The following LDLRAD2 variants were observed in gnomAD, a reference collection of about 807,000 sequenced individuals.
LDLRAD2 encodes low-density lipoprotein receptor class A domain-containing protein 2.
In LDLRAD2, 25 loss-of-function variants were observed where a neutral mutation model predicts 24.9. The observed-to-expected ratio is 1.00, with a 90% CI of 0.73 to 1.40. The LOEUF (loss-of-function observed/expected upper bound fraction) is 1.40. Ranked by LOEUF, LDLRAD2 falls within the 40% of genes most tolerant of loss-of-function variation. The pLI is 0.00. For missense variants in LDLRAD2, 391 were observed against 366.2 expected (o/e 1.07, Z -0.55); for synonymous variants, 182 against 166.7 (o/e 1.09, Z -0.71).
chr1:21,821,553 A>C lies in LDLRAD2; in HGVS notation c.747A>C (p.Ala249=). The change falls in exon 4 of 5, where the codon GCA becomes GCC. Residue 249 remains alanine (A), a synonymous_variant. Coordinates refer to ENST00000344642, the MANE Select transcript of LDLRAD2 (RefSeq NM_001013693.3). Reference sequence around the variant, plus strand: ...GGTCTGCAGGATCCCTCTGGATTGCAGCTGAGAGGAGTTCCCCAGCAGGCA... The same window carrying C: ...GGTCTGCAGGATCCCTCTGGATTGCCGCTGAGAGGAGTTCCCCAGCAGGCA... ...ALGSAGSLWI[A]AERSSPAGRD... 6.2e-7 allele frequency: 1 copy of C among 1,614,052 alleles called. No individual in the cohort carries two copies. The highest frequency in any genetic ancestry group is 8.5e-7 in the Non-Finnish European group (1 of 1,179,998).
At chr1:21,812,611 A>C in intron 1 of LDLRAD2, 75 bp downstream of exon 1, 1 of 1,244,800 alleles carries the variant, frequency 8.0e-7, no homozygotes, top group South Asian at 1.3e-5. Flanking sequence ...ATGTTTCCCC[A>C]GTCAGCACTC....
chr1:21,817,649 CA>C (rs890451135), intron 3 of LDLRAD2, among the ~76,000 whole-genome samples: 1 of 151,852 alleles, frequency 6.6e-6, no homozygotes, highest in Admixed American at 6.6e-5. Flanking sequence ...TTTAGATTTA[CA>C]AAAAAATTGA....
intron 3 of LDLRAD2, among the ~76,000 whole-genome samples, chr1:21,817,100 C>T (rs915000125): frequency 1.2e-4 from 18 of 152,256 alleles, no homozygotes; most frequent in East Asian, 9.6e-4. Flanking sequence ...TTTTACTCCC[C>T]GCTTAACCCA....
Position 21,822,435 on chromosome 1 carries a change from TGA to T in LDLRAD2, c.*222_*223del. Reference sequence around the variant, plus strand: ...ATCCCCCTCCTCTCTCTCTCAGTCGTGAGTCCTGCCTTCCCCCACCTAAGGCA... The same window carrying T: ...ATCCCCCTCCTCTCTCTCTCAGTCGTGTCCTGCCTTCCCCCACCTAAGGCA... On this transcript the variant is annotated 3_prime_UTR_variant, in exon 5 of 5. Coordinates refer to ENST00000344642, the MANE Select transcript of LDLRAD2 (RefSeq NM_001013693.3). 1 of 583,714 alleles carries T rather than the reference TGA, an allele frequency of 1.7e-6. No individual in the cohort carries two copies. Among genetic ancestry groups the T allele is most frequent in the East Asian group, 2.9e-5 (1 of 34,904 alleles). 36.2% of individuals were successfully genotyped at this position (583,714 alleles called of 1,614,324 possible).
Position 21,824,379 on chromosome 1 carries a change from GC to G in LDLRAD2, c.*2166del, listed in dbSNP as rs2097962589. The G allele has an allele frequency of 6.2e-7, 1 of 1,613,818 alleles. No individual in the cohort carries two copies. Among genetic ancestry groups the G allele is most frequent in the African/African-American group, 1.3e-5 (1 of 75,062 alleles). On this transcript the variant is annotated 3_prime_UTR_variant, in exon 5 of 5. Coordinates refer to ENST00000344642, the MANE Select transcript of LDLRAD2 (RefSeq NM_001013693.3). This position sits in a 1 kb window ranked among gnomAD's most constrained non-coding sequence, Gnocchi z 5.9. ...CCTTGGCCGGCCTCTCCCACCTCCT[GC>G]CAGGGAAGCACAGGGTCTCTGGGGT...
At chr1:21,815,696 G>C (rs2097943172) in intron 2 of LDLRAD2, among the ~76,000 whole-genome samples, 1 of 152,184 alleles carries the variant, frequency 6.6e-6, no homozygotes, top group African/African-American at 2.4e-5. Flanking sequence ...GGGGTATTGT[G>C]AGGCCTCAAT....
At position 21,814,455 on chromosome 1, in the gene LDLRAD2, C is replaced by T; in HGVS notation, c.143C>T (p.Ser48Leu). The T allele has an allele frequency of 1.2e-6, 2 of 1,610,878 alleles. No individual in the cohort carries two copies. The highest frequency in any genetic ancestry group is 1.7e-6 in the Non-Finnish European group (2 of 1,178,894). Residue 48 changes from serine (S) to leucine (L), a missense_variant, in exon 2 of 5, where the codon TCG becomes TTG. Physicochemically the swap from Ser to Leu is moderately radical, Grantham distance 145. Transcript: ENST00000344642. ...TWQGDGLLLR[S>L]HAASRRFYFV... The stretch of plus-strand genomic sequence containing the variant: ...CAGGGGGACGGGCTGCTGCTGCGCT[C>T]GCACGCCGCATCGCGCAGGTTCTAC...
chr1:21,812,629 TG>T, intron 1 of LDLRAD2, 93 bp downstream of exon 1: 1 of 1,073,930 alleles, frequency 9.3e-7, no homozygotes. Context: ...CTCATCCTGC[TG>T]GGCTGAGACC....
chr1:21,821,280 C>G (rs1443210882), intron 3 of LDLRAD2, among the ~76,000 whole-genome samples, 170 bp from the exon 4 acceptor site: 1 of 152,154 alleles, frequency 6.6e-6, no homozygotes, highest in Non-Finnish European at 1.5e-5. Flanking sequence ...CATGTGAGTT[C>G]AAGTCCTCCT....
chr1:21,821,911 AG>A, intron 4 of LDLRAD2: 1 of 1,416,694 alleles, frequency 7.1e-7, no homozygotes, highest in Non-Finnish European at 9.2e-7. Flanking sequence ...AGGTCTCCCC[AG>A]GGGGCTGCAG....
rs757172633 is a variant in LDLRAD2 at position 21,821,441 on chromosome 1, C to T, written c.644-9C>T. The T allele has an allele frequency of 6.2e-7, 1 of 1,614,058 alleles. No homozygotes were observed. The highest frequency in any genetic ancestry group is 1.1e-5 in the South Asian group (1 of 91,078). On this transcript the variant is annotated splice_polypyrimidine_tract_variant and intron_variant, in intron 3 of 4. Transcript: ENST00000344642. ...TCTCAGTGTGCTAGTTCTGTTCTTT[C>T]CCATGCAGGTCCCTCTCCGGTGCCC...
At chr1:21,818,299 T>A (rs140221241) in intron 3 of LDLRAD2, among the ~76,000 whole-genome samples, 15,675 of 152,154 alleles carry the variant, frequency 0.1, 859 homozygotes, top group Admixed American at 0.11. Flanking sequence ...GGCGTGAGCC[T>A]CCGCACCCGG....
Position 21,824,889 on chromosome 1 carries a change from G to A in LDLRAD2, c.*2674G>A, listed in dbSNP as rs1201241350. The A allele has an allele frequency of 2.7e-5, 27 of 1,009,770 alleles. No homozygotes were observed. Among genetic ancestry groups the A allele is most frequent in the South Asian group, 4.1e-5 (3 of 72,594 alleles). 62.6% of individuals were successfully genotyped at this position (1,009,770 alleles called of 1,614,324 possible). On this transcript the variant is annotated 3_prime_UTR_variant, in exon 5 of 5. Transcript: ENST00000344642. This position sits in a 1 kb window ranked among gnomAD's most constrained non-coding sequence, Gnocchi z 5.9. The stretch of plus-strand genomic sequence containing the variant: ...CCAACATGCAGGACTAGGGGGCTCC[G>A]AGCCTGCAGTCCCTGGGGACCCACG...
chr1:21,816,616 A>G (rs1051269899), intron 3 of LDLRAD2, among the ~76,000 whole-genome samples: 1 of 152,154 alleles, frequency 6.6e-6, no homozygotes, highest in African/African-American at 2.4e-5. Context: ...CAAATCACCC[A>G]GGAATAACCT....
intron 3 of LDLRAD2, among the ~76,000 whole-genome samples, chr1:21,821,176 G>A (rs1360841012): frequency 6.6e-6 from 1 of 152,180 alleles, no homozygotes. Context: ...CAGCCTGGGC[G>A]ACAGAGTGAG....
intron 3 of LDLRAD2, among the ~76,000 whole-genome samples, chr1:21,816,288 G>A (rs1232524485): frequency 6.6e-6 from 1 of 152,256 alleles, no homozygotes; most frequent in Non-Finnish European, 1.5e-5. Flanking sequence ...TGATGCTTTA[G>A]TGGTGGAAAC....
chr1:21,816,857 A>G (rs1239937840), intron 3 of LDLRAD2, among the ~76,000 whole-genome samples: 1 of 152,098 alleles, frequency 6.6e-6, no homozygotes, highest in Non-Finnish European at 1.5e-5. Flanking sequence ...TCCTCCATCC[A>G]GGCTCATTCC....
chr1:21,818,124 G>A (rs1371191870), intron 3 of LDLRAD2, among the ~76,000 whole-genome samples: 1 of 34,202 alleles, frequency 2.9e-5, no homozygotes. Context: ...TGATCCACCC[G>A]CCTTGGCCTC....
chr1:21,821,435 T>C lies in LDLRAD2; in HGVS notation c.644-15T>C. The stretch of plus-strand genomic sequence containing the variant: ...GGCAGTTCTCAGTGTGCTAGTTCTG[T>C]TCTTTCCCATGCAGGTCCCTCTCCG... On this transcript the variant is annotated splice_polypyrimidine_tract_variant and intron_variant, in intron 3 of 4. Transcript: ENST00000344642. The C allele has an allele frequency of 5.0e-6, 8 of 1,614,072 alleles. No homozygotes were observed. Among genetic ancestry groups the C allele is most frequent in the Non-Finnish European group, 6.8e-6 (8 of 1,179,962 alleles).
Sources: allele counts gnomAD v4.1 joint callset (sites outside exome capture counted in the v4.1 genomes callset), GRCh38; gene constraint gnomAD v4.1.1; non-coding constraint Gnocchi (gnomAD v3.1); transcripts MANE v1.5; gene names NCBI Gene and HGNC (gene_info 2026-07-23, HGNC 2026-07-21).